The following PMPCA variants were observed in gnomAD, a reference collection of about 807,000 sequenced individuals.
The protein encoded by PMPCA is peptidase, mitochondrial processing subunit alpha, also known as mitochondrial-processing peptidase subunit alpha.
A neutral mutation model predicts 59.3 loss-of-function variants in PMPCA; 47 were observed. The ratio of observed to expected loss-of-function variants is 0.79; its 90% CI spans 0.63 to 1.01. The LOEUF (loss-of-function observed/expected upper bound fraction) is 1.01, where lower values mean the gene tolerates loss of function less well. Ranked by LOEUF, PMPCA falls within the 50% of genes least tolerant of loss-of-function variation. PMPCA has a pLI of 0.00. For synonymous variants in PMPCA, 338 were observed against 290.3 expected (o/e 1.16, Z -1.67); for missense variants, 726 against 704.5 (o/e 1.03, Z -0.34).
intron 4 of PMPCA, 94 bp downstream of exon 4, chr9:136,412,986 A>G: frequency 1.3e-6 from 1 of 785,146 alleles, no homozygotes. Context: ...TCCCAGCGGG[A>G]GGTGTGGAGA....
At position 136,417,060 on chromosome 9, in the gene PMPCA, C is replaced by G. The variant is rs751714654; in HGVS notation, c.743C>G (p.Pro248Arg). Residue 248 changes from proline (P) to arginine (R), a missense_variant, in exon 7 of 13, where the codon CCC becomes CGC. Physicochemically the swap from Pro to Arg is moderately radical, Grantham distance 103. Transcript: ENST00000371717. ...TCCTACCTGAGGAACTACTACACTCCCGACCGCATGGTGCTGGCCGGCGTG... is the reference window on the plus strand; with the variant it reads ...TCCTACCTGAGGAACTACTACACTCGCGACCGCATGGTGCTGGCCGGCGTG... ...LHSYLRNYYTPDRMVLAGVGV... is the reference protein window; with the variant it reads ...LHSYLRNYYTRDRMVLAGVGV... 6.2e-6 allele frequency: 10 copies of G among 1,613,900 alleles called. No individual in the cohort carries two copies. In the East Asian group the frequency reaches 2.2e-4, roughly 36 times the overall value.
Position 136,410,688 on chromosome 9 carries a change from C to T in PMPCA, c.20C>T (p.Ala7Val), listed in dbSNP as rs149055087. Residue 7 changes from alanine to valine, a missense_variant, in exon 1 of 13, where the codon GCG (alanine) becomes GTG (valine). Ala to Val is a moderately conservative substitution (Grantham distance 64, BLOSUM62 0). Transcript: ENST00000371717. ...CGCAAGATGGCGGCTGTGGTGCTGG[C>T]GGCGACGCGGTTGCTGCGGGGCTCG... MAAVVLAATRLLRGSGS... is the reference protein window; with the variant it reads MAAVVLVATRLLRGSGS... The T allele has an allele frequency of 2.1e-5, 29 of 1,414,174 alleles. No homozygotes were observed. The highest frequency in any genetic ancestry group is 3.0e-5 in the African/African-American group (2 of 67,126). The allele number at this position is 1,414,174 out of a possible 1,614,324, so 87.6% of individuals were successfully genotyped here.
chr9:136,423,694 C>G lies in PMPCA; in HGVS notation c.*430C>G, dbSNP rs1564427469. The G allele has an allele frequency of 1.1e-5, 2 of 182,372 alleles. No homozygotes were observed. The highest frequency in any genetic ancestry group is 2.7e-4 in the East Asian group (2 of 7,344). The allele number at this position is 182,372 out of a possible 1,614,324, so 11.3% of individuals were successfully genotyped here. A position where few individuals can be genotyped will look rare whatever the true frequency, so the allele number is the denominator to read the frequency against. ...CAGGAGAAGGTAAGGGCCCGGTCAG[C>G]TCCAAGGAGCGCGCTCCACGCGCGT... On this transcript the variant is annotated 3_prime_UTR_variant, in exon 13 of 13. Transcript: ENST00000371717.
In PMPCA at chr9:136,418,906, C is replaced by T. The variant is rs774425882; in HGVS notation, c.1188C>T (p.Ala396=). ...DTGLLCIHAS[A]DPRQVREMVE... Reference sequence around the variant, plus strand: ...GCCTCCTTTGCATCCATGCCAGCGCCGACCCAAGACAGGTGAGGGCCCCGC... The same window carrying T: ...GCCTCCTTTGCATCCATGCCAGCGCTGACCCAAGACAGGTGAGGGCCCCGC... The change falls in exon 10 of 13, where the codon GCC becomes GCT. Residue 396 remains alanine, a synonymous_variant. Coordinates refer to ENST00000371717, the MANE Select transcript of PMPCA (RefSeq NM_015160.3). The T allele has an allele frequency of 1.4e-5, 22 of 1,613,714 alleles. No homozygotes were observed. The Middle Eastern group carries it at 5.0e-4, about 36-fold the overall frequency.
In PMPCA at chr9:136,410,674, G is replaced by T. The variant is rs372181000; in HGVS notation, c.6G>T (p.Ala2=). The stretch of plus-strand genomic sequence containing the variant: ...AAGCGGGGCGGAGACGCAAGATGGC[G>T]GCTGTGGTGCTGGCGGCGACGCGGT... M[A]AVVLAATRLL... The change falls in exon 1 of 13, where the codon GCG becomes GCT. Residue 2 remains alanine (A), a synonymous_variant. Coordinates refer to ENST00000371717, the MANE Select transcript of PMPCA (RefSeq NM_015160.3). 69 of 1,413,944 alleles carry T rather than the reference G, an allele frequency of 4.9e-5. No individual in the cohort carries two copies. The Middle Eastern group carries it at 7.5e-4, about 15-fold the overall frequency. The allele number at this position is 1,413,944 out of a possible 1,614,324, so 87.6% of individuals were successfully genotyped here. A position where few individuals can be genotyped will look rare whatever the true frequency, so the allele number is the denominator to read the frequency against.
rs778391350 is a variant in PMPCA, at chr9:136,416,953, G to A, written c.636G>A (p.Ala212=). The part of the protein sequence containing the change: ...EPLLTEMIHE[A]AYRENTVGLH... Reference sequence around the variant, plus strand: ...TGTCTGTGGCTCTTCCCCATTAGGCGGCTTACAGGGAGAACACAGTTGGCC... The same window carrying A: ...TGTCTGTGGCTCTTCCCCATTAGGCAGCTTACAGGGAGAACACAGTTGGCC... Residue 212 remains alanine, a splice_region_variant and synonymous_variant, in exon 7 of 13, where the codon GCG becomes GCA. Transcript: ENST00000371717. 11 of 1,606,918 alleles carry A rather than the reference G, an allele frequency of 6.8e-6. No individual in the cohort carries two copies. Among genetic ancestry groups the A allele is most frequent in the East Asian group, 6.7e-5 (3 of 44,810 alleles).
intron 8 of PMPCA, 85 bp downstream of exon 8, chr9:136,418,194 C>T: frequency 2.0e-6 from 2 of 984,048 alleles, no homozygotes; most frequent in Admixed American, 1.7e-5. Flanking sequence ...TGGCATCCGA[C>T]AGCGCTCCTG....
Position 136,414,602 on chromosome 9 carries a change from G to A in PMPCA, c.487G>A (p.Val163Met), listed in dbSNP as rs774247233. 1.9e-6 allele frequency: 3 copies of A among 1,613,882 alleles called. No individual in the cohort carries two copies. The highest frequency in any genetic ancestry group is 2.5e-6 in the Non-Finnish European group (3 of 1,179,726). Residue 163 changes from valine to methionine, a missense_variant, in exon 5 of 13, where the codon GTG becomes ATG. Physicochemically the swap from Val to Met is conservative, Grantham distance 21. Transcript: ENST00000371717. ...VSADSKGLDT[V>M]VALLADVVLQ... ...TGCTGATAGCAAAGGCTTGGACACG[G>A]TGGTTGCCTTACTGGCTGATGTGGT...
chr9:136,422,758 G>A (rs966505246), intron 12 of PMPCA: 18 of 1,111,774 alleles, frequency 1.6e-5, no homozygotes, highest in African/African-American at 6.4e-5. Flanking sequence ...CTGTCCATGC[G>A]GCCCTCGGGG....
chr9:136,411,400 A>C (rs1257946200), intron 1 of PMPCA: 1 of 156,068 alleles, frequency 6.4e-6, no homozygotes, highest in Non-Finnish European at 1.4e-5. Context: ...AGGAAAGACT[A>C]GACTGGTGAG....
At chr9:136,423,072 C>T (rs771952610) in intron 12 of PMPCA, 23 bp from the exon 13 acceptor site, 1 of 1,601,582 alleles carries the variant, frequency 6.2e-7, no homozygotes, top group Non-Finnish European at 8.5e-7. Context: ...GCTCGTGTGA[C>T]ACGCGTTTGC....
At chr9:136,413,089 C>T (rs1335428038) in intron 4 of PMPCA, 197 bp downstream of exon 4, 3 of 527,642 alleles carry the variant, frequency 5.7e-6, no homozygotes, top group East Asian at 3.2e-5. Flanking sequence ...AGTTGACCCC[C>T]GTCAGTTCCT....
chr9:136,414,409 G>C lies in PMPCA; in HGVS notation c.438-144G>C, dbSNP rs923991115. ...AAGGTAGGTGCCCCTGGCATGCAAA[G>C]CCCAAGTGTCCCCTGGCTGTTGAGC... On this transcript the variant is annotated intron_variant, in intron 4 of 12. Transcript: ENST00000371717. 5 of 645,228 alleles carry C rather than the reference G, an allele frequency of 7.7e-6. No individual in the cohort carries two copies. In the Admixed American group the frequency reaches 1.1e-4, roughly 15 times the overall value. 40.0% of individuals were successfully genotyped at this position (645,228 alleles called of 1,614,324 possible).
chr9:136,411,060 C>A, intron 1 of PMPCA: 3 of 304,894 alleles, frequency 9.8e-6, no homozygotes, highest in Non-Finnish European at 1.2e-5. Flanking sequence ...GAGGCTGAGC[C>A]GGTGGGGGCC....
rs146817048 is a variant in PMPCA at position 136,414,647 on chromosome 9, G to A, written c.532G>A (p.Asp178Asn). Reference sequence around the variant, plus strand: ...TGTGGTTCTGCAGCCCCGGCTAACAGGTGTGGATCCCAGCCGCTGGCGTTT... The same window carrying A: ...TGTGGTTCTGCAGCCCCGGCTAACAAGTGTGGATCCCAGCCGCTGGCGTTT... ...ADVVLQPRLT[D>N]EEVEMTRMAV... Residue 178 changes from aspartate (D) to asparagine (N), a missense_variant and splice_region_variant, in exon 5 of 13, where the codon GAT becomes AAT. Transcript: ENST00000371717. The A allele has an allele frequency of 6.2e-7, 1 of 1,605,026 alleles. No homozygotes were observed. Among genetic ancestry groups the A allele is most frequent in the Admixed American group, 1.7e-5 (1 of 60,010 alleles).
intron 1 of PMPCA, 48 bp downstream of exon 1, chr9:136,410,787 A>G: frequency 7.4e-7 from 1 of 1,344,906 alleles, no homozygotes; most frequent in East Asian, 2.8e-5. Context: ...GGGCGGCTCG[A>G]GTCTTTCTGG....
At chr9:136,415,758 G>T (rs1835256198) in intron 5 of PMPCA, among the ~76,000 whole-genome samples, 1 of 152,226 alleles carries the variant, frequency 6.6e-6, no homozygotes, top group African/African-American at 2.4e-5. Flanking sequence ...TCAGCCTCCT[G>T]AGTAGCTGGG....
intron 5 of PMPCA, among the ~76,000 whole-genome samples, chr9:136,415,121 A>G (rs1045486402): frequency 6.6e-6 from 1 of 152,114 alleles, no homozygotes; most frequent in African/African-American, 2.4e-5. Context: ...AAATAGTGCT[A>G]GTAGCCAGGC....
intron 7 of PMPCA, 30 bp downstream of exon 7, chr9:136,417,244 G>A (rs1413651486): frequency 7.2e-6 from 11 of 1,536,010 alleles, no homozygotes; most frequent in Admixed American, 1.9e-5. Context: ...TCATGGCCTC[G>A]GGTGGGGAAC....
Sources: allele counts gnomAD v4.1 joint callset (sites outside exome capture counted in the v4.1 genomes callset), GRCh38; gene constraint gnomAD v4.1.1; transcripts MANE v1.5; gene names NCBI Gene and HGNC (gene_info 2026-07-23, HGNC 2026-07-21).